The following TET1 variants were observed in gnomAD, a reference collection of about 807,000 sequenced individuals.
The protein encoded by TET1 is methylcytosine dioxygenase TET1.
TET1 carries 13 observed loss-of-function variants against 148.7 expected under a neutral mutation model. The ratio of observed to expected loss-of-function variants is 0.09; its 90% CI spans 0.06 to 0.14. The LOEUF is 0.14. Among genes scored for constraint, TET1 ranks in the 10% least tolerant of loss-of-function variants. The pLI, the probability that TET1 is intolerant of heterozygous loss-of-function variation, is 1.00. For missense variants in TET1, 2,182 were observed against 2,553.8 expected (o/e 0.85, Z 3.14); for synonymous variants, 907 against 937.2 (o/e 0.97, Z 0.59).
intron 6 of TET1, among the ~76,000 whole-genome samples, chr10:68,658,093 A>G (rs984802830): frequency 2.7e-5 from 4 of 149,666 alleles, no homozygotes; most frequent in Non-Finnish European, 6.0e-5. Flanking sequence ...ATAAAACATT[A>G]ATCTATATCA....
chr10:68,653,969 T>G (rs2054979621), intron 6 of TET1, among the ~76,000 whole-genome samples: 1 of 151,628 alleles, frequency 6.6e-6, no homozygotes, highest in South Asian at 2.1e-4. Flanking sequence ...TAGCTGGGCA[T>G]GGTGATGGGC....
intron 3 of TET1, among the ~76,000 whole-genome samples, chr10:68,626,812 G>C (rs2054490220): frequency 6.6e-6 from 1 of 151,954 alleles, no homozygotes; most frequent in South Asian, 2.1e-4. Context: ...GACTCCCAAA[G>C]TGCTGGGATT....
chr10:68,621,124 G>C (rs544774959), intron 3 of TET1, among the ~76,000 whole-genome samples: 1 of 152,106 alleles, frequency 6.6e-6, no homozygotes, highest in Non-Finnish European at 1.5e-5. Flanking sequence ...TTTTCTTTGG[G>C]TAATTATGGT....
chr10:68,667,635 T>A (rs1021587367), intron 7 of TET1, among the ~76,000 whole-genome samples: 6 of 151,664 alleles, frequency 4.0e-5, no homozygotes, highest in Admixed American at 6.6e-5. Context: ...TCCCAGCTAC[T>A]CAGGAGGCTG....
chr10:68,694,147 A>G lies in TET1; in HGVS notation c.*2333A>G, dbSNP rs1278350290. 1 of 232,600 alleles carries G rather than the reference A, an allele frequency of 4.3e-6. No individual in the cohort carries two copies. Among genetic ancestry groups the G allele is most frequent in the Admixed American group, 5.6e-5 (1 of 17,766 alleles). The allele number at this position is 232,600 out of a possible 1,614,324, so 14.4% of individuals were successfully genotyped here. On this transcript the variant is annotated 3_prime_UTR_variant, in exon 12 of 12. Coordinates refer to ENST00000373644, the MANE Select transcript of TET1 (RefSeq NM_030625.3). Reference sequence around the variant, plus strand: ...AACATCAATGTTAATTTTTGGAACTATTGGGATTTGTGACGCTTGTTGCAG... The same window carrying G: ...AACATCAATGTTAATTTTTGGAACTGTTGGGATTTGTGACGCTTGTTGCAG...
intron 2 of TET1, among the ~76,000 whole-genome samples, chr10:68,600,263 C>T (rs2054036703): frequency 6.6e-6 from 1 of 152,170 alleles, no homozygotes; most frequent in Non-Finnish European, 1.5e-5. Flanking sequence ...GCGCACCCCT[C>T]CCCCATGCAG....
chr10:68,649,255 C>T (rs1234940968), intron 4 of TET1, among the ~76,000 whole-genome samples: 2 of 152,164 alleles, frequency 1.3e-5, no homozygotes, highest in East Asian at 3.8e-4. Flanking sequence ...AGTCTCAACT[C>T]CAGAACCTAT....
At chr10:68,577,484 A>G (rs2053745546) in intron 2 of TET1, among the ~76,000 whole-genome samples, 2 of 123,212 alleles carry the variant, frequency 1.6e-5, no homozygotes, top group South Asian at 5.7e-4. Flanking sequence ...GCAAGACCTC[A>G]TCAAAAAACA....
At chr10:68,569,162 G>GTTTTTTTTTT (rs1362900985) in intron 1 of TET1, among the ~76,000 whole-genome samples, 1 of 122,330 alleles carries the variant, frequency 8.2e-6, no homozygotes, top group Non-Finnish European at 1.7e-5. Context: ...AGGCAGGAGA[G>GTTTTTTTTTT]TTTCTTTTTT....
chr10:68,660,882 T>G (rs1031623494), intron 6 of TET1, among the ~76,000 whole-genome samples: 2 of 152,056 alleles, frequency 1.3e-5, no homozygotes, highest in African/African-American at 4.8e-5. Flanking sequence ...CATGCTGGTC[T>G]CGAATTCCTG....
rs538835071 is a variant in TET1 at position 68,628,234 on chromosome 10, A to T, written c.1969-16464A>T. 2.0e-5 allele frequency among the ~76,000 whole-genome samples: 3 copies of T among 152,320 alleles called. No individual in the cohort carries two copies. The South Asian group carries it at 6.2e-4, about 32-fold the overall frequency. ...AGTGTTGGGGTTACAGGCATGAGCCACTGCCCCCGGCCGAAATGACAGTTT... is the reference window on the plus strand; with the variant it reads ...AGTGTTGGGGTTACAGGCATGAGCCTCTGCCCCCGGCCGAAATGACAGTTT... On this transcript the variant is annotated intron_variant, in intron 3 of 11. Transcript: ENST00000373644.
At chr10:68,668,421 T>C (rs1055421460) in intron 7 of TET1, among the ~76,000 whole-genome samples, 5 of 152,268 alleles carry the variant, frequency 3.3e-5, no homozygotes, top group Admixed American at 6.5e-5. Context: ...GGAACTGCTC[T>C]AGGTGGTTTC....
At chr10:68,640,745 A>C (rs7100742) in intron 3 of TET1, among the ~76,000 whole-genome samples, 1 of 149,170 alleles carries the variant, frequency 6.7e-6, no homozygotes, top group Non-Finnish European at 1.5e-5. Flanking sequence ...TAGAGATGGG[A>C]TTTCACCATG....
At chr10:68,597,016 C>T (rs1210273056) in intron 2 of TET1, among the ~76,000 whole-genome samples, 1 of 121,760 alleles carries the variant, frequency 8.2e-6, no homozygotes, top group Non-Finnish European at 1.8e-5. Flanking sequence ...TTTTCATGAT[C>T]ACACAGCTAA....
chr10:68,570,482 C>G (rs1383516009), intron 1 of TET1, among the ~76,000 whole-genome samples: 1 of 152,044 alleles, frequency 6.6e-6, no homozygotes, highest in Non-Finnish European at 1.5e-5. Context: ...TTATGGCCAT[C>G]TTTATGTCCA....
intron 2 of TET1, among the ~76,000 whole-genome samples, chr10:68,582,994 T>C (rs540243595): frequency 3.9e-5 from 6 of 152,196 alleles, no homozygotes; most frequent in Non-Finnish European, 7.4e-5. Context: ...CCCATGGGTG[T>C]TAATTTCTGA....
intron 3 of TET1, among the ~76,000 whole-genome samples, chr10:68,623,116 T>C (rs2054400427): frequency 6.6e-6 from 1 of 152,182 alleles, no homozygotes; most frequent in South Asian, 2.1e-4. Flanking sequence ...GGGGAGATAC[T>C]TGGAGACTAT....
At chr10:68,571,680 G>C (rs111321161) in intron 1 of TET1, among the ~76,000 whole-genome samples, 5,906 of 152,186 alleles carry the variant, frequency 0.039, 383 homozygotes, top group African/African-American at 0.14. Flanking sequence ...TTACAGGCAT[G>C]AGCCACCGCA....
Position 68,691,010 on chromosome 10 carries a change from A to T in TET1, c.5607A>T (p.Ser1869=), listed in dbSNP as rs753468795. 5.0e-6 allele frequency: 8 copies of T among 1,614,066 alleles called. No individual in the cohort carries two copies. The South Asian group carries it at 7.7e-5, about 16-fold the overall frequency. The part of the protein sequence containing the change: ...PAPLKNDATA[S]CGFSERSSTP... Reference sequence around the variant, plus strand: ...CACTGAAGAATGACGCAACAGCCTCATGCGGGTTTTCAGAAAGAAGCAGCA... The same window carrying T: ...CACTGAAGAATGACGCAACAGCCTCTTGCGGGTTTTCAGAAAGAAGCAGCA... Residue 1869 remains serine, a synonymous_variant, in exon 12 of 12, where the codon TCA becomes TCT. Transcript: ENST00000373644. This position sits in a 1 kb window ranked among gnomAD's most constrained non-coding sequence, Gnocchi z 4.4.
Sources: gnomAD v4.1 joint callset for allele counts (sites outside exome capture counted in the v4.1 genomes callset) on GRCh38, gnomAD v4.1.1 for gene constraint, Gnocchi (gnomAD v3.1) non-coding constraint, MANE v1.5 for transcripts, NCBI Gene and HGNC (gene_info 2026-07-23, HGNC 2026-07-21) for gene names.